Variants in CDIN1 observed in about 807,000 individuals in gnomAD.
CDIN1 encodes the protein CDAN1 interacting nuclease 1.
CDIN1 carries 33 observed loss-of-function variants against 45.3 expected under a neutral mutation model. The ratio of observed to expected loss-of-function variants is 0.73; its 90% CI spans 0.55 to 0.97. CDIN1 has a LOEUF of 0.97. Ranked by LOEUF, CDIN1 falls within the 50% of genes least tolerant of loss-of-function variation. CDIN1 has a pLI of 0.00. For synonymous variants in CDIN1, 118 were observed against 124.4 expected (o/e 0.95, Z 0.34); for missense variants, 303 against 339.4 (o/e 0.89, Z 0.84).
chr15:36,759,795 C>A (rs1459777056), intron 10 of CDIN1, among the ~76,000 whole-genome samples: 1 of 152,132 alleles, frequency 6.6e-6, no homozygotes, highest in East Asian at 1.9e-4. Context: ...GCAAGCACAT[C>A]TTCACATGGC....
intron 9 of CDIN1, 78 bp downstream of exon 9, chr15:36,709,366 G>A (rs990859623): frequency 7.7e-6 from 8 of 1,035,388 alleles, no homozygotes; most frequent in Middle Eastern, 2.8e-4. Flanking sequence ...GTTAATATTA[G>A]CTTTATAATA....
At chr15:36,588,500 AC>A (rs1429752399) in intron 1 of CDIN1, among the ~76,000 whole-genome samples, 4 of 152,206 alleles carry the variant, frequency 2.6e-5, no homozygotes, top group Admixed American at 2.0e-4. Context: ...TGGAAATTCT[AC>A]TGATGGTTTT....
chr15:36,695,048 C>G (rs1056630941), intron 7 of CDIN1, among the ~76,000 whole-genome samples: 5 of 152,094 alleles, frequency 3.3e-5, no homozygotes, highest in African/African-American at 1.2e-4. Flanking sequence ...AAAGCACAGC[C>G]ATGTGCCTTG....
At chr15:36,775,183 C>A (rs1189709783) in intron 10 of CDIN1, among the ~76,000 whole-genome samples, 1 of 152,118 alleles carries the variant, frequency 6.6e-6, no homozygotes, top group Non-Finnish European at 1.5e-5. Flanking sequence ...TTAAGAAATA[C>A]AATGAAATTA....
chr15:36,643,758 C>T (rs775961108), intron 1 of CDIN1, among the ~76,000 whole-genome samples: 1 of 152,154 alleles, frequency 6.6e-6, no homozygotes, highest in African/African-American at 2.4e-5. Context: ...TTTCATAGCA[C>T]GCCAGTATCG....
intron 10 of CDIN1, among the ~76,000 whole-genome samples, chr15:36,768,463 G>C (rs1207749471): frequency 6.6e-6 from 1 of 152,202 alleles, no homozygotes. Flanking sequence ...GAACTAGACT[G>C]TAGCTGCTGG....
At chr15:36,720,645 T>C (rs1348998635) in intron 10 of CDIN1, among the ~76,000 whole-genome samples, 1 of 152,220 alleles carries the variant, frequency 6.6e-6, no homozygotes, top group East Asian at 1.9e-4. Flanking sequence ...CTATGGTGTA[T>C]ATGTGCCACA....
intron 10 of CDIN1, among the ~76,000 whole-genome samples, chr15:36,791,095 T>G (rs139250742): frequency 1.4e-4 from 22 of 152,298 alleles, no homozygotes; most frequent in Non-Finnish European, 2.4e-4. Context: ...CTTGAGGAAG[T>G]AGGAAAGCTC....
intron 10 of CDIN1, among the ~76,000 whole-genome samples, chr15:36,784,002 T>C (rs1400150574): frequency 2.0e-5 from 3 of 152,196 alleles, no homozygotes; most frequent in Non-Finnish European, 2.9e-5. Flanking sequence ...ACAGGGTTCA[T>C]ACACTAAGAG....
chr15:36,725,605 A>G (rs1004181185), intron 10 of CDIN1, among the ~76,000 whole-genome samples: 2 of 152,172 alleles, frequency 1.3e-5, no homozygotes, highest in Non-Finnish European at 2.9e-5. Context: ...AATTGAAGTA[A>G]TTATCTCCTG....
chr15:36,777,691 A>G (rs2141044022), intron 10 of CDIN1, among the ~76,000 whole-genome samples: 1 of 152,184 alleles, frequency 6.6e-6, no homozygotes, highest in Non-Finnish European at 1.5e-5. Flanking sequence ...TCTCACTGCA[A>G]CCTCCGCCTC....
chr15:36,776,526 A>T (rs2054222240), intron 10 of CDIN1, among the ~76,000 whole-genome samples: 1 of 152,238 alleles, frequency 6.6e-6, no homozygotes, highest in African/African-American at 2.4e-5. Flanking sequence ...GCTAAAAAAT[A>T]TTCTTCTTGG....
chr15:36,768,178 A>C (rs2053974574), intron 10 of CDIN1, among the ~76,000 whole-genome samples: 1 of 152,026 alleles, frequency 6.6e-6, no homozygotes, highest in African/African-American at 2.4e-5. Flanking sequence ...GATAAAGGAG[A>C]TGTAATCTTT....
chr15:36,801,650 TCATG>T (rs748498916), intron 10 of CDIN1, among the ~76,000 whole-genome samples: 3 of 152,164 alleles, frequency 2.0e-5, no homozygotes, highest in Admixed American at 6.5e-5. Flanking sequence ...TCCTCTTCCC[TCATG>T]TTTAGATTCT....
chr15:36,614,220 G>C (rs1376839480), intron 1 of CDIN1: 1 of 631,834 alleles, frequency 1.6e-6, no homozygotes, highest in East Asian at 3.2e-5. Flanking sequence ...TTCCCACCCT[G>C]CTGCTGCTCC....
At chr15:36,655,251 G>A (rs1377328735) in intron 4 of CDIN1, among the ~76,000 whole-genome samples, 2 of 151,726 alleles carry the variant, frequency 1.3e-5, no homozygotes, top group Non-Finnish European at 2.9e-5. Context: ...ATTTCTGTGC[G>A]CCTCCTAGGA....
chr15:36,783,390 C>T (rs1427970289), intron 10 of CDIN1, among the ~76,000 whole-genome samples: 1 of 150,828 alleles, frequency 6.6e-6, no homozygotes, highest in East Asian at 2.0e-4. Context: ...TTGCAAGTTC[C>T]TGTGTATAAT....
intron 1 of CDIN1, chr15:36,640,529 C>A: frequency 1.8e-6 from 1 of 559,774 alleles, no homozygotes; most frequent in Non-Finnish European, 2.3e-6. Context: ...GTAGAGTGTA[C>A]ACATTTAAGC....
chr15:36,601,351 C>T (rs1246228303), intron 1 of CDIN1, among the ~76,000 whole-genome samples: 4 of 152,224 alleles, frequency 2.6e-5, no homozygotes, highest in East Asian at 1.9e-4. Flanking sequence ...ATTTTCTTTT[C>T]GTAGTCTTAG....
Sources: gnomAD v4.1 joint callset for allele counts (sites outside exome capture counted in the v4.1 genomes callset) on GRCh38, gnomAD v4.1.1 for gene constraint, MANE v1.5 for transcripts, NCBI Gene and HGNC (gene_info 2026-07-23, HGNC 2026-07-21) for gene names.